The following HSPH1 variants were observed in gnomAD, a reference collection of about 807,000 sequenced individuals.
HSPH1 encodes heat shock protein family H (Hsp110) member 1.
A neutral mutation model predicts 100.0 loss-of-function variants in HSPH1; 40 were observed. The ratio of observed to expected loss-of-function variants is 0.40; its 90% CI spans 0.31 to 0.52. The LOEUF is 0.52. Among genes scored for constraint, HSPH1 ranks in the 20% least tolerant of loss-of-function variants. The pLI, the probability that HSPH1 is intolerant of heterozygous loss-of-function variation, is 0.54. For missense variants in HSPH1, 876 were observed against 1,015.1 expected (o/e 0.86, Z 1.86); for synonymous variants, 403 against 344.0 (o/e 1.17, Z -1.90).
chr13:31,154,512 C>T (rs769312363), intron 4 of HSPH1, 121 bp downstream of exon 4: 1 of 1,109,612 alleles, frequency 9.0e-7, no homozygotes, highest in Non-Finnish European at 1.4e-6. Flanking sequence ...CATGTTAATA[C>T]AGTCCAGTAG....
rs1349122844 is a variant in HSPH1, at chr13:31,150,127, A to G, written c.964T>C (p.Tyr322His). 2 of 1,612,490 alleles carry G rather than the reference A, an allele frequency of 1.2e-6. No homozygotes were observed. The highest frequency in any genetic ancestry group is 2.7e-5 in the African/African-American group (2 of 75,000). Residue 322 changes from tyrosine (Y) to histidine (H), a missense_variant, in exon 8 of 18, where the codon TAT (tyrosine) becomes CAT (histidine). By Grantham distance (83) the Tyr-to-His change is moderately conservative. Coordinates refer to ENST00000320027, the MANE Select transcript of HSPH1 (RefSeq NM_006644.4). ...AGATGAGTTTGTTCCAACAGTGAAT[A>G]AAGGGGTACTTCTATCTTTTGCAGA... ...ELLQKIEVPL[Y>H]SLLEQTHLKV...
In HSPH1 at chr13:31,140,191, C is replaced by T. The variant is rs186473539; in HGVS notation, c.1973G>A (p.Cys658Tyr). 8.7e-6 allele frequency: 14 copies of T among 1,610,842 alleles called. No homozygotes were observed. The East Asian group carries it at 2.7e-4, about 31-fold the overall frequency. ...CAGAGCTCTAAGACATACCTGCTCA[C>T]ATATAAATTTTTCATATGGTCCACA... ...KLCGPYEKFI[C>Y]EQDHQNFLRL... Residue 658 changes from cysteine (C) to tyrosine (Y), a missense_variant, in exon 14 of 18, where the codon TGT (cysteine) becomes TAT (tyrosine). By Grantham distance (194) the Cys-to-Tyr change is radical. Coordinates refer to ENST00000320027, the MANE Select transcript of HSPH1 (RefSeq NM_006644.4).
chr13:31,161,867 C>A lies in HSPH1; in HGVS notation c.-285G>T. ...TCGGGTTGCCTGCCTCACTCTGCCGCGGCTCGCACACCGGCGCCGGCGCTG... is the reference window on the plus strand; with the variant it reads ...TCGGGTTGCCTGCCTCACTCTGCCGAGGCTCGCACACCGGCGCCGGCGCTG... On this transcript the variant is annotated 5_prime_UTR_variant, in exon 1 of 18. Transcript: ENST00000320027. The A allele has an allele frequency of 6.7e-7, 1 of 1,484,084 alleles. No homozygotes were observed. Among genetic ancestry groups the A allele is most frequent in the East Asian group, 2.5e-5 (1 of 40,308 alleles). 91.9% of individuals were successfully genotyped at this position (1,484,084 alleles called of 1,614,324 possible). A position where few individuals can be genotyped will look rare whatever the true frequency, so the allele number is the denominator to read the frequency against.
In HSPH1 at chr13:31,137,509, A is replaced by T. The variant is rs1297754960; in HGVS notation, c.2386T>A (p.Cys796Ser). 2 of 1,612,548 alleles carry T rather than the reference A, an allele frequency of 1.2e-6. No individual in the cohort carries two copies. The highest frequency in any genetic ancestry group is 3.3e-5 in the Admixed American group (2 of 59,722). ...TTCGGTTGTGTTACAACGGGTTCAC[A>T]TGTGTTGTTCAATTCCTAAAGAAAA... ...KTKIKELNNT[C>S]EPVVTQPKPK... Residue 796 changes from cysteine to serine, a missense_variant, in exon 18 of 18, where the codon TGT becomes AGT. Coordinates refer to ENST00000320027, the MANE Select transcript of HSPH1 (RefSeq NM_006644.4).
Position 31,161,771 on chromosome 13 carries a change from G to A in HSPH1, c.-189C>T, listed in dbSNP as rs536396909. 114 of 1,507,116 alleles carry A rather than the reference G, an allele frequency of 7.6e-5. 4 individuals carry two copies. In the South Asian group the frequency reaches 1.1e-3, roughly 15 times the overall value. The allele number at this position is 1,507,116 out of a possible 1,614,324, so 93.4% of individuals were successfully genotyped here. A position where few individuals can be genotyped will look rare whatever the true frequency, so the allele number is the denominator to read the frequency against. ...GTCAGGAGCCTCCTACTCCCCCGGG[G>A]ACAGCGGCGGCTGGCTGATAAGAAA... On this transcript the variant is annotated 5_prime_UTR_variant, in exon 1 of 18. Transcript: ENST00000320027.
Position 31,155,589 on chromosome 13 carries a change from G to T in HSPH1, c.231C>A (p.Asp77Glu), listed in dbSNP as rs758009921. Residue 77 changes from aspartate (D) to glutamate (E), a missense_variant, in exon 3 of 18, where the codon GAC (aspartate) becomes GAA (glutamate). Asp to Glu is a conservative substitution (Grantham distance 45). Transcript: ENST00000320027. ...TTTCCTTCTCCTTTTGAATGAAGGGGTCATTGAATGCTCGGCCATGAAATC... is the reference window on the plus strand; with the variant it reads ...TTTCCTTCTCCTTTTGAATGAAGGGTTCATTGAATGCTCGGCCATGAAATC... The part of the protein sequence containing the change: ...FKRFHGRAFN[D>E]PFIQKEKENL... The T allele has an allele frequency of 6.2e-7, 1 of 1,610,076 alleles. No individual in the cohort carries two copies. The highest frequency in any genetic ancestry group is 1.1e-5 in the South Asian group (1 of 90,846).
In HSPH1 at chr13:31,161,610, G is replaced by C. The variant is rs41292153; in HGVS notation, c.-28C>G. The C allele has an allele frequency of 3.6e-3, 5,800 of 1,609,800 alleles. 21 individuals are homozygous for C. Among genetic ancestry groups the C allele is most frequent in the South Asian group, 5.4e-3 (491 of 90,958 alleles). The stretch of plus-strand genomic sequence containing the variant: ...CCGGCTCGCGGTCCGCCTCCGCCTC[G>C]GGTCTCGGTCTGCGTCCTCCGGCCC... On this transcript the variant is annotated 5_prime_UTR_variant, in exon 1 of 18. Transcript: ENST00000320027.
intron 7 of HSPH1, 111 bp from the exon 8 acceptor site, chr13:31,150,293 T>C (rs959375179): frequency 2.5e-5 from 18 of 709,036 alleles, no homozygotes; most frequent in Non-Finnish European, 4.0e-5. Context: ...GGATCCCACA[T>C]GGGCCAAGTT....
In HSPH1 at chr13:31,143,794, T is replaced by G. The variant is rs780340755; in HGVS notation, c.1714A>C (p.Lys572Gln). The change falls in exon 12 of 18, where the codon AAA becomes CAA. Residue 572 changes from lysine (K) to glutamine (Q), a missense_variant and splice_region_variant. Physicochemically the swap from Lys to Gln is moderately conservative, Grantham distance 53. Coordinates refer to ENST00000320027, the MANE Select transcript of HSPH1 (RefSeq NM_006644.4). ...SEENKIPDAD[K>Q]ANEKKVDQPP... ...AATGAACTAGAAGAGTCACTCACTT[T>G]GTCAGCATCTGGGATTTTGTTTTCT... 6 of 1,606,426 alleles carry G rather than the reference T, an allele frequency of 3.7e-6. No homozygotes were observed. The highest frequency in any genetic ancestry group is 5.1e-6 in the Non-Finnish European group (6 of 1,176,280).
chr13:31,145,106 C>A (rs1252708553), intron 11 of HSPH1, among the ~76,000 whole-genome samples: 1 of 152,144 alleles, frequency 6.6e-6, no homozygotes, highest in Non-Finnish European at 1.5e-5. Flanking sequence ...TTCCTTCCTC[C>A]CACCATACAG....
intron 13 of HSPH1, 41 bp from the exon 14 acceptor site, chr13:31,140,350 A>T: frequency 6.3e-7 from 1 of 1,581,396 alleles, no homozygotes; most frequent in Non-Finnish European, 8.6e-7. Context: ...TCTTCTAGTT[A>T]ACTCAAGCTA....
chr13:31,161,244 G>A (rs565342303), intron 1 of HSPH1, among the ~76,000 whole-genome samples: 1 of 152,234 alleles, frequency 6.6e-6, no homozygotes, highest in East Asian at 1.9e-4. Context: ...CTCGACTCTG[G>A]GACTCCTCTC....
At chr13:31,150,902 T>A in intron 7 of HSPH1, 45 bp downstream of exon 7, 1 of 1,562,338 alleles carries the variant, frequency 6.4e-7, no homozygotes, top group Non-Finnish European at 8.7e-7. Flanking sequence ...GGCTACAGTT[T>A]CAAAAGAAGT....
chr13:31,145,859 T>A, intron 10 of HSPH1, 91 bp from the exon 11 acceptor site: 1 of 1,194,642 alleles, frequency 8.4e-7, no homozygotes, highest in Non-Finnish European at 1.2e-6. Flanking sequence ...GTGGTTCATG[T>A]CTGTAATCCC....
intron 8 of HSPH1, among the ~76,000 whole-genome samples, chr13:31,149,317 T>C (rs1463065127): frequency 6.6e-6 from 1 of 152,196 alleles, no homozygotes; most frequent in African/African-American, 2.4e-5. Flanking sequence ...TCCTGTTTCA[T>C]ATTTTAAAAA....
intron 8 of HSPH1, 151 bp from the exon 9 acceptor site, chr13:31,148,631 A>C: frequency 2.2e-6 from 1 of 464,630 alleles, no homozygotes; most frequent in Non-Finnish European, 3.8e-6. Context: ...ATTTCATCTA[A>C]ACAAAGAATT....
Position 31,155,566 on chromosome 13 carries a change from T to C in HSPH1, c.254A>G (p.Glu85Gly), listed in dbSNP as rs760549200. The C allele has an allele frequency of 2.5e-6, 4 of 1,612,532 alleles. No individual in the cohort carries two copies. In the East Asian group the frequency reaches 6.7e-5, roughly 27 times the overall value. Residue 85 changes from glutamate to glycine, a missense_variant, in exon 3 of 18, where the codon GAA becomes GGA. Physicochemically the swap from Glu to Gly is moderately conservative, Grantham distance 98. Coordinates refer to ENST00000320027, the MANE Select transcript of HSPH1 (RefSeq NM_006644.4). ...TGGAACCAAATCGTAACTCAAGTTT[T>C]CCTTCTCCTTTTGAATGAAGGGGTC... ...FNDPFIQKEKENLSYDLVPLK... is the reference protein window; with the variant it reads ...FNDPFIQKEKGNLSYDLVPLK...
rs117558518 is a variant in HSPH1, at chr13:31,152,022, G to A, written c.530-280C>T. On this transcript the variant is annotated intron_variant, in intron 5 of 17. Coordinates refer to ENST00000320027, the MANE Select transcript of HSPH1 (RefSeq NM_006644.4). ...CAGTGAAACATAACCACGTATCACA[G>A]ACAGTATCAGACTCATTATGCAATA... 2,122 of 278,924 alleles carry A rather than the reference G, an allele frequency of 7.6e-3. 147 individuals are homozygous for A. The East Asian group carries it at 0.13, about 17-fold the overall frequency. 17.3% of individuals were successfully genotyped at this position (278,924 alleles called of 1,614,324 possible).
Position 31,161,861 on chromosome 13 carries a change from CT to C in HSPH1, c.-280del. Reference sequence around the variant, plus strand: ...CGCACCTCGGGTTGCCTGCCTCACTCTGCCGCGGCTCGCACACCGGCGCCGG... The same window carrying C: ...CGCACCTCGGGTTGCCTGCCTCACTCGCCGCGGCTCGCACACCGGCGCCGG... On this transcript the variant is annotated 5_prime_UTR_variant, in exon 1 of 18. Coordinates refer to ENST00000320027, the MANE Select transcript of HSPH1 (RefSeq NM_006644.4). The C allele has an allele frequency of 6.7e-7, 1 of 1,483,494 alleles. No homozygotes were observed. The highest frequency in any genetic ancestry group is 8.9e-7 in the Non-Finnish European group (1 of 1,118,876). 91.9% of individuals were successfully genotyped at this position (1,483,494 alleles called of 1,614,324 possible).
Sources: gnomAD v4.1 joint callset for allele counts (sites outside exome capture counted in the v4.1 genomes callset) on GRCh38, gnomAD v4.1.1 for gene constraint, MANE v1.5 for transcripts, NCBI Gene and HGNC (gene_info 2026-07-23, HGNC 2026-07-21) for gene names.